Variants in ARB2A observed in about 807,000 individuals in gnomAD.
ARB2A encodes the protein ARB2 cotranscriptional regulator A.
chr5:93,868,808 AACT>A, the ARB2A span, among the ~76,000 whole-genome samples: 1 of 152,304 alleles, frequency 6.6e-6, no homozygotes, highest in African/African-American at 2.4e-5. Context: ...TCTTAGAATA[AACT>A]ACTGTATAGA....
the ARB2A span, among the ~76,000 whole-genome samples, chr5:93,902,264 G>A: frequency 6.6e-6 from 1 of 151,930 alleles, no homozygotes; most frequent in Non-Finnish European, 1.5e-5. Context: ...AAAATAGGAA[G>A]GCTACCCTAA....
At chr5:94,017,845 G>C in the ARB2A span, among the ~76,000 whole-genome samples, 1 of 152,172 alleles carries the variant, frequency 6.6e-6, no homozygotes, top group Admixed American at 6.5e-5. Flanking sequence ...ATCTCAACTT[G>C]AACTGTATGT....
At chr5:93,849,349 T>C in the ARB2A span, among the ~76,000 whole-genome samples, 1 of 151,896 alleles carries the variant, frequency 6.6e-6, no homozygotes, top group Non-Finnish European at 1.5e-5. Flanking sequence ...AAAAGAAAAA[T>C]TTTCTACTGA....
chr5:93,820,658 CTG>C, the ARB2A span, among the ~76,000 whole-genome samples: 3 of 152,128 alleles, frequency 2.0e-5, no homozygotes, highest in Non-Finnish European at 4.4e-5. Context: ...GGTTTAATAA[CTG>C]TAACTTTACA....
the ARB2A span, among the ~76,000 whole-genome samples, chr5:93,644,996 T>A: frequency 6.6e-6 from 1 of 152,206 alleles, no homozygotes; most frequent in Non-Finnish European, 1.5e-5. Flanking sequence ...AACACAAACC[T>A]ATTGGAGAAA....
chr5:93,733,538 AATG>A, the ARB2A span: 1 of 152,290 alleles, frequency 6.6e-6, no homozygotes, highest in East Asian at 1.9e-4. Context: ...TAAAAGTTGA[AATG>A]ATGGGCCAAT....
At chr5:93,828,107 G>GT in the ARB2A span, among the ~76,000 whole-genome samples, 10 of 152,034 alleles carry the variant, frequency 6.6e-5, no homozygotes, top group African/African-American at 9.7e-5. Flanking sequence ...CTTTAAAGTA[G>GT]TTTTTTTCCA....
chr5:94,080,394 G>A, the ARB2A span, among the ~76,000 whole-genome samples: 6 of 151,998 alleles, frequency 3.9e-5, no homozygotes, highest in East Asian at 3.9e-4. Context: ...TTGCAAAATC[G>A]GTATCAAATT....
chr5:93,910,367 AT>A, the ARB2A span, among the ~76,000 whole-genome samples: 1 of 151,220 alleles, frequency 6.6e-6, no homozygotes, highest in Non-Finnish European at 1.5e-5. Flanking sequence ...ATAGATGAAC[AT>A]TTTTTTAAAT....
chr5:94,006,060 C>T, the ARB2A span, among the ~76,000 whole-genome samples: 2 of 152,120 alleles, frequency 1.3e-5, no homozygotes, highest in Admixed American at 1.3e-4. Context: ...ATACTCTTAG[C>T]CTGACAAAAT....
chr5:93,646,343 G>A, the ARB2A span, among the ~76,000 whole-genome samples: 7 of 151,766 alleles, frequency 4.6e-5, no homozygotes, highest in Non-Finnish European at 8.8e-5. Context: ...GAGGTCTTCG[G>A]TGAAACCTTT....
the ARB2A span, among the ~76,000 whole-genome samples, chr5:93,654,062 G>GTGTCCAGCATAC: frequency 6.6e-6 from 1 of 152,184 alleles, no homozygotes; most frequent in Non-Finnish European, 1.5e-5. Context: ...TGCTAGGTGT[G>GTGTCCAGCATAC]AAGATACAAA....
the ARB2A span, among the ~76,000 whole-genome samples, chr5:93,781,329 G>A: frequency 1.1e-4 from 16 of 152,092 alleles, no homozygotes; most frequent in Admixed American, 9.2e-4. Context: ...CCATGTTGCT[G>A]TAAGATATAA....
At chr5:93,792,866 A>T in the ARB2A span, among the ~76,000 whole-genome samples, 1 of 151,970 alleles carries the variant, frequency 6.6e-6, no homozygotes, top group Non-Finnish European at 1.5e-5. Flanking sequence ...TAAAAAAATA[A>T]AAAAAAGATA....
chr5:93,693,606 A>G, the ARB2A span, among the ~76,000 whole-genome samples: 1 of 152,168 alleles, frequency 6.6e-6, no homozygotes, highest in South Asian at 2.1e-4. Flanking sequence ...AGATGGATTC[A>G]CAGCTGAATT....
At chr5:93,850,981 T>C in the ARB2A span, among the ~76,000 whole-genome samples, 1 of 152,134 alleles carries the variant, frequency 6.6e-6, no homozygotes, top group African/African-American at 2.4e-5. Context: ...TTCTTAGTCA[T>C]TGATTGGTTC....
chr5:93,918,955 T>C, the ARB2A span, among the ~76,000 whole-genome samples: 1 of 152,160 alleles, frequency 6.6e-6, no homozygotes, highest in African/African-American at 2.4e-5. Flanking sequence ...AAAGTGAAAC[T>C]TGAACAGTGG....
At chr5:93,839,098 G>C in the ARB2A span, among the ~76,000 whole-genome samples, 2 of 152,094 alleles carry the variant, frequency 1.3e-5, no homozygotes, top group East Asian at 1.9e-4. Flanking sequence ...TGGTGAGAGA[G>C]AGCATCCCTG....
At chr5:93,695,195 TAA>T in the ARB2A span, among the ~76,000 whole-genome samples, 1 of 152,174 alleles carries the variant, frequency 6.6e-6, no homozygotes, top group Non-Finnish European at 1.5e-5. Flanking sequence ...AAATGGGATC[TAA>T]TTAAACTAAA....
Sources: gnomAD v4.1 joint callset for allele counts (sites outside exome capture counted in the v4.1 genomes callset) on GRCh38, gnomAD v4.1.1 for gene constraint, MANE v1.5 for transcripts, NCBI Gene and HGNC (gene_info 2026-07-23, HGNC 2026-07-21) for gene names.